BCAS3: variants seen among roughly 807,000 people sequenced by gnomAD.
BCAS3 encodes BCAS4/BCAS3 fusion.
A neutral mutation model predicts 116.1 loss-of-function variants in BCAS3; 53 were observed. The ratio of observed to expected loss-of-function variants is 0.46; its 90% CI spans 0.37 to 0.57. The LOEUF is 0.57. BCAS3 is among the 20% of genes least tolerant of loss of function. The probability of loss-of-function intolerance (pLI) is 0.00; values close to 1 mark genes in which losing one functional copy is unlikely to be tolerated. For synonymous variants in BCAS3, 391 were observed against 408.2 expected, an observed-to-expected ratio of 0.96 and a Z score of 0.51; for missense variants, 917 against 1,165.4, an observed-to-expected ratio of 0.79 and a Z score of 3.10.
At chr17:60,923,465 G>A (rs1362227145) in intron 12 of BCAS3, among the ~76,000 whole-genome samples, 1 of 152,112 alleles carries the variant, frequency 6.6e-6, no homozygotes, top group East Asian at 1.9e-4. Context: ...GTATCTTTCA[G>A]GGCAGGAATA....
In BCAS3 at chr17:61,381,718, G is replaced by A. The variant is rs867213588; in HGVS notation, c.2594-10259G>A. Among the ~76,000 whole-genome samples, 7 of 152,156 alleles carry A rather than the reference G, an allele frequency of 4.6e-5. No individual in the cohort carries two copies. The highest frequency in any genetic ancestry group is 1.9e-4 in the East Asian group (1 of 5,194). Reference sequence around the variant, plus strand: ...GATTGGTTGGTTCACACCAACTTGCGTGTGTGTGCCTGTCCCCAGGGCCAG... The same window carrying A: ...GATTGGTTGGTTCACACCAACTTGCATGTGTGTGCCTGTCCCCAGGGCCAG... On this transcript the variant is annotated intron_variant, in intron 23 of 23. Coordinates refer to ENST00000407086, the MANE Select transcript of BCAS3 (RefSeq NM_017679.5). The surrounding 1 kb of genome is among the most constrained non-coding windows in gnomAD (Gnocchi z 6.0).
Position 61,084,326 on chromosome 17 carries a change from G to A in BCAS3, c.2328-141G>A. The A allele has an allele frequency of 1.6e-6, 1 of 628,824 alleles. No individual in the cohort carries two copies. Among genetic ancestry groups the A allele is most frequent in the Admixed American group, 3.1e-5 (1 of 31,944 alleles). 39.0% of individuals were successfully genotyped at this position (628,824 alleles called of 1,614,324 possible). A position where few individuals can be genotyped will look rare whatever the true frequency, so the allele number is the denominator to read the frequency against. On this transcript the variant is annotated intron_variant, in intron 21 of 23. Transcript: ENST00000407086. The surrounding 1 kb of genome is among the most constrained non-coding windows in gnomAD (Gnocchi z 5.5). ...CCTTGTGCAGCAATTAGGGACTGCA[G>A]CTCCCCTGTTTGTCTTGTTTTAGAA...
chr17:61,071,756 A>G (rs942910361), intron 19 of BCAS3, among the ~76,000 whole-genome samples: 1 of 152,244 alleles, frequency 6.6e-6, no homozygotes, highest in African/African-American at 2.4e-5. Flanking sequence ...ACAGTAATAT[A>G]TCTAGTTGTA....
intron 5 of BCAS3, among the ~76,000 whole-genome samples, chr17:60,739,621 A>C (rs984324666): frequency 6.9e-6 from 1 of 144,040 alleles, no homozygotes; most frequent in Non-Finnish European, 1.5e-5. Context: ...ACTCTGTCTG[A>C]AAAAAAAAGG....
rs1279925833 is a variant in BCAS3, at chr17:61,214,849, G to A, written c.2425+130285G>A. Among the ~76,000 whole-genome samples, 1 of 152,096 alleles carries A rather than the reference G, an allele frequency of 6.6e-6. No individual in the cohort carries two copies. Among genetic ancestry groups the A allele is most frequent in the Non-Finnish European group, 1.5e-5 (1 of 68,024 alleles). On this transcript the variant is annotated intron_variant, in intron 22 of 23. Coordinates refer to ENST00000407086, the MANE Select transcript of BCAS3 (RefSeq NM_017679.5). The surrounding 1 kb of genome is among the most constrained non-coding windows in gnomAD (Gnocchi z 4.4). ...TTCAGAAGAGTATGTTCTAGCTAAG[G>A]GTGTACTATAAAGGTGGTAACCAGT...
intron 4 of BCAS3, chr17:60,696,618 T>G (rs1338842033): frequency 6.6e-6 from 1 of 152,044 alleles, no homozygotes; most frequent in African/African-American, 2.4e-5. Context: ...AAGAAAATGC[T>G]GCTATCAGCT....
rs2074612275 is a variant in BCAS3 at position 61,105,852 on chromosome 17, A to G, written c.2425+21288A>G. 1.3e-5 allele frequency among the ~76,000 whole-genome samples: 2 copies of G among 152,154 alleles called. No homozygotes were observed. Among genetic ancestry groups the G allele is most frequent in the Admixed American group, 1.3e-4 (2 of 15,282 alleles). On this transcript the variant is annotated intron_variant, in intron 22 of 23. Coordinates refer to ENST00000407086, the MANE Select transcript of BCAS3 (RefSeq NM_017679.5). The surrounding 1 kb of genome is among the most constrained non-coding windows in gnomAD (Gnocchi z 4.3). ...CAGCTAGGGATGTTTGGTTAAATTCATTTGTCACATATTGGTGTTTTATTT... is the reference window on the plus strand; with the variant it reads ...CAGCTAGGGATGTTTGGTTAAATTCGTTTGTCACATATTGGTGTTTTATTT...
intron 6 of BCAS3, among the ~76,000 whole-genome samples, chr17:60,770,834 G>GT (rs60854011): frequency 0.017 from 1,326 of 76,710 alleles, 381 homozygotes; most frequent in Non-Finnish European, 0.032. Flanking sequence ...ACTGAAATTT[G>GT]TTTTTTTTTT....
At position 61,241,022 on chromosome 17, in the gene BCAS3, G is replaced by A. The variant is rs565371184; in HGVS notation, c.2426-127305G>A. On this transcript the variant is annotated intron_variant, in intron 22 of 23. Coordinates refer to ENST00000407086, the MANE Select transcript of BCAS3 (RefSeq NM_017679.5). The surrounding 1 kb of genome is among the most constrained non-coding windows in gnomAD (Gnocchi z 4.6). ...TTGGGCATGACAGGATTTTTGCCAT[G>A]AGAAACCTTCTAGAGCTTCCGCCCC... Among the ~76,000 whole-genome samples the A allele has an allele frequency of 6.6e-5, 10 of 152,286 alleles. 1 individual carries two copies. The South Asian group carries it at 2.1e-3, about 32-fold the overall frequency.
At chr17:61,277,734 G>T (rs922546781) in intron 22 of BCAS3, among the ~76,000 whole-genome samples, 18 of 152,116 alleles carry the variant, frequency 1.2e-4, no homozygotes, top group Non-Finnish European at 7.3e-5. Context: ...CAATAATCAC[G>T]TGAAAAGATG....
chr17:60,893,772 C>T (rs1011237738), intron 10 of BCAS3, among the ~76,000 whole-genome samples: 5 of 151,864 alleles, frequency 3.3e-5, no homozygotes, highest in African/African-American at 1.2e-4. Flanking sequence ...CCACACCTGG[C>T]TAATTTTTGT....
intron 22 of BCAS3, among the ~76,000 whole-genome samples, chr17:61,185,843 T>C (rs938389029): frequency 6.6e-5 from 10 of 152,202 alleles, no homozygotes; most frequent in African/African-American, 2.4e-4. Context: ...TCTCTGAGAA[T>C]TGTGGATTAT....
In BCAS3 at chr17:61,026,843, AT is replaced by A. The variant is rs1194930898; in HGVS notation, c.1638-7818del. The A allele has an allele frequency of 2.5e-6, 4 of 1,585,754 alleles. No individual in the cohort carries two copies. Among genetic ancestry groups the A allele is most frequent in the Non-Finnish European group, 2.6e-6 (3 of 1,164,022 alleles). On this transcript the variant is annotated intron_variant, in intron 16 of 23. Coordinates refer to ENST00000407086, the MANE Select transcript of BCAS3 (RefSeq NM_017679.5). The surrounding 1 kb of genome is among the most constrained non-coding windows in gnomAD (Gnocchi z 5.0). ...TGAGTTTTTCTCTAATTTTTTGTGC[AT>A]TTTTCCCCCTTTTCCATGAAGGCCT...
intron 5 of BCAS3, among the ~76,000 whole-genome samples, chr17:60,735,058 C>T (rs1055730319): frequency 4.0e-5 from 6 of 151,868 alleles, no homozygotes; most frequent in African/African-American, 1.5e-4. Context: ...AGATTTATAC[C>T]TACGTATTTC....
chr17:60,719,259 G>C (rs1365075741), intron 5 of BCAS3, among the ~76,000 whole-genome samples: 3 of 152,194 alleles, frequency 2.0e-5, no homozygotes, highest in Non-Finnish European at 4.4e-5. Context: ...CGAATCGTTT[G>C]TTATTGGCAG....
Position 61,157,670 on chromosome 17 carries a change from G to A in BCAS3, c.2425+73106G>A, listed in dbSNP as rs989064169. Among the ~76,000 whole-genome samples, 7 of 139,526 alleles carry A rather than the reference G, an allele frequency of 5.0e-5. No homozygotes were observed. The East Asian group carries it at 6.9e-4, about 14-fold the overall frequency. The allele number at this position is 139,526 out of a possible 152,430, so 91.5% of individuals were successfully genotyped here. On this transcript the variant is annotated intron_variant, in intron 22 of 23. Coordinates refer to ENST00000407086, the MANE Select transcript of BCAS3 (RefSeq NM_017679.5). ...GCATTATAATTTATAACTGAAGAGA[G>A]TGGATTTAATTTCAGTGGAGAGGCT...
chr17:60,785,907 C>T (rs1374643243), intron 6 of BCAS3, among the ~76,000 whole-genome samples: 1 of 152,118 alleles, frequency 6.6e-6, no homozygotes, highest in Non-Finnish European at 1.5e-5. Context: ...ATTGCCTATA[C>T]AATACAGTGT....
At chr17:61,268,314 A>G (rs1198374983) in intron 22 of BCAS3, among the ~76,000 whole-genome samples, 1 of 152,034 alleles carries the variant, frequency 6.6e-6, no homozygotes, top group Admixed American at 6.6e-5. Context: ...CTGCCTGTCT[A>G]TCCCTCTCTT....
rs180941516 is a variant in BCAS3, at chr17:61,297,810, T to C, written c.2426-70517T>C. Among the ~76,000 whole-genome samples, 3 of 152,358 alleles carry C rather than the reference T, an allele frequency of 2.0e-5. No homozygotes were observed. In the East Asian group the frequency reaches 5.8e-4, roughly 29 times the overall value. On this transcript the variant is annotated intron_variant, in intron 22 of 23. Transcript: ENST00000407086. ...TAACAGCTATGCTCTCAACGGTATT[T>C]TTATTCCGTCCACTGTTGGTAGCAC... is the stretch of plus-strand genomic sequence containing the variant.
Sources: allele counts gnomAD v4.1 joint callset (sites outside exome capture counted in the v4.1 genomes callset), GRCh38; gene constraint gnomAD v4.1.1; non-coding constraint Gnocchi (gnomAD v3.1); transcripts MANE v1.5; gene names NCBI Gene and HGNC (gene_info 2026-07-23, HGNC 2026-07-21).